Variants in MARCHF1 observed in about 807,000 individuals in gnomAD.
The protein encoded by MARCHF1 is E3 ubiquitin-protein ligase MARCHF1.
A neutral mutation model predicts 54.2 loss-of-function variants in MARCHF1; 40 were observed. The ratio of observed to expected loss-of-function variants is 0.74; its 90% CI spans 0.57 to 0.96. The LOEUF (loss-of-function observed/expected upper bound fraction) is 0.96. Ranked by LOEUF, MARCHF1 falls within the 40% of genes least tolerant of loss-of-function variation. The pLI, the probability that MARCHF1 is intolerant of heterozygous loss-of-function variation, is 0.00. For synonymous variants in MARCHF1, 236 were observed against 236.3 expected (o/e 1.00, Z 0.01); for missense variants, 586 against 656.5 (o/e 0.89, Z 1.17).
chr4:164,349,032 T>C (rs946178877), intron 1 of MARCHF1, among the ~76,000 whole-genome samples: 3 of 152,160 alleles, frequency 2.0e-5, no homozygotes, highest in East Asian at 1.9e-4. Context: ...GGCTTTACTT[T>C]TCCCACCAGA....
In MARCHF1 at chr4:163,656,132, G is replaced by GA. The variant is rs1157465186; in HGVS notation, c.163-42740dup. Among the ~76,000 whole-genome samples, 184 of 136,908 alleles carry GA rather than the reference G, an allele frequency of 1.3e-3. 1 individual carries two copies. The highest frequency in any genetic ancestry group is 5.0e-3 in the African/African-American group (178 of 35,480). The allele number at this position is 136,908 out of a possible 152,430, so 89.8% of individuals were successfully genotyped here. ...TGAATCCAGGAGCTGTTTTTTTTTTGAAAAAAATAATAAAATAGACCACTA... is the reference window on the plus strand; with the variant it reads ...TGAATCCAGGAGCTGTTTTTTTTTTGAAAAAAAATAATAAAATAGACCACTA... On this transcript the variant is annotated intron_variant, in intron 5 of 9. Transcript: ENST00000514618.
intron 5 of MARCHF1, among the ~76,000 whole-genome samples, chr4:163,689,874 C>T (rs1317874443): frequency 6.6e-6 from 1 of 151,944 alleles, no homozygotes; most frequent in Non-Finnish European, 1.5e-5. Flanking sequence ...ATTAAAATGC[C>T]CTATCAAAGA....
rs901145314 is a variant in MARCHF1, at chr4:164,108,847, C to G, written c.-248+2741G>C. Among the ~76,000 whole-genome samples, 3 of 151,922 alleles carry G rather than the reference C, an allele frequency of 2.0e-5. 1 individual carries two copies. Among genetic ancestry groups the G allele is most frequent in the African/African-American group, 7.2e-5 (3 of 41,390 alleles). ...AGGTATTACCTTATGAAGCATAATC[C>G]TCTCTTAAGAGAATGGCAATAGTGG... is the stretch of plus-strand genomic sequence containing the variant. On this transcript the variant is annotated intron_variant, in intron 2 of 9. Coordinates refer to ENST00000514618, the MANE Select transcript of MARCHF1 (RefSeq NM_001394959.1).
At chr4:163,718,328 C>A (rs1214798804) in intron 4 of MARCHF1, among the ~76,000 whole-genome samples, 1 of 152,166 alleles carries the variant, frequency 6.6e-6, no homozygotes, top group Admixed American at 6.5e-5. Flanking sequence ...TAAAGAGCTT[C>A]TGCACAGCAA....
intron 1 of MARCHF1, among the ~76,000 whole-genome samples, chr4:164,320,099 T>A (rs1422463080): frequency 1.3e-5 from 2 of 152,194 alleles, no homozygotes; most frequent in African/African-American, 4.8e-5. Flanking sequence ...TTAAGTCCAA[T>A]TTTCTATTCA....
At chr4:163,943,748 TAAAAAAA>T (rs5863641) in intron 3 of MARCHF1, among the ~76,000 whole-genome samples, 4 of 123,526 alleles carry the variant, frequency 3.2e-5, no homozygotes, top group Admixed American at 1.6e-4. Context: ...AAATAGAAGT[TAAAAAAA>T]AAAAAAAAAA....
At chr4:164,193,963 C>G (rs1731187609) in intron 1 of MARCHF1, among the ~76,000 whole-genome samples, 1 of 152,118 alleles carries the variant, frequency 6.6e-6, no homozygotes, top group African/African-American at 2.4e-5. Flanking sequence ...TTAGCACATT[C>G]TAGTCTAAAA....
chr4:164,041,845 T>A (rs538687711), intron 2 of MARCHF1, among the ~76,000 whole-genome samples: 89 of 152,310 alleles, frequency 5.8e-4, no homozygotes, highest in African/African-American at 2.1e-3. Context: ...TAATATTTCA[T>A]TTGCTTTTCT....
chr4:163,573,601 T>C (rs2110767199), intron 8 of MARCHF1, among the ~76,000 whole-genome samples: 1 of 151,786 alleles, frequency 6.6e-6, no homozygotes, highest in East Asian at 1.9e-4. Context: ...CTGAGAATGA[T>C]GATTTCCAAC....
At chr4:163,657,806 G>A (rs1743203362) in intron 5 of MARCHF1, among the ~76,000 whole-genome samples, 1 of 152,190 alleles carries the variant, frequency 6.6e-6, no homozygotes, top group East Asian at 1.9e-4. Context: ...AACAAGCAAT[G>A]AGGAAAGGAT....
chr4:164,006,966 A>G (rs1322137811), intron 2 of MARCHF1, among the ~76,000 whole-genome samples: 1 of 128,844 alleles, frequency 7.8e-6, no homozygotes, highest in Non-Finnish European at 1.6e-5. Flanking sequence ...CTTATAAGAA[A>G]TAATAGAGGG....
intron 4 of MARCHF1, among the ~76,000 whole-genome samples, chr4:163,785,158 G>A (rs1253575171): frequency 6.6e-6 from 1 of 152,002 alleles, no homozygotes; most frequent in Non-Finnish European, 1.5e-5. Context: ...AAGGTCTGGT[G>A]CGCTAGAAAT....
chr4:164,304,171 C>G (rs1378858130), intron 1 of MARCHF1, among the ~76,000 whole-genome samples: 1 of 152,166 alleles, frequency 6.6e-6, no homozygotes, highest in African/African-American at 2.4e-5. Context: ...ATGCCAGAAA[C>G]TATGTTACAT....
At chr4:164,009,265 C>CA (rs561323451) in intron 2 of MARCHF1, among the ~76,000 whole-genome samples, 112 of 152,022 alleles carry the variant, frequency 7.4e-4, no homozygotes, top group Non-Finnish European at 1.3e-3. Context: ...GAGAAAACCT[C>CA]AAAAAATCAA....
chr4:164,371,270 C>T (rs1349990826), intron 1 of MARCHF1, among the ~76,000 whole-genome samples: 1 of 152,044 alleles, frequency 6.6e-6, no homozygotes, highest in Non-Finnish European at 1.5e-5. Flanking sequence ...CCAACTGGGC[C>T]AAAGACCATA....
chr4:163,712,745 G>A (rs1745144776), intron 4 of MARCHF1, among the ~76,000 whole-genome samples: 3 of 152,068 alleles, frequency 2.0e-5, no homozygotes, highest in African/African-American at 4.8e-5. Context: ...ACTTAAATAC[G>A]GATCAGAACA....
At chr4:163,556,592 C>A (rs2110960373) in intron 8 of MARCHF1, among the ~76,000 whole-genome samples, 1 of 151,352 alleles carries the variant, frequency 6.6e-6, no homozygotes, top group South Asian at 2.1e-4. Flanking sequence ...GCCACATATA[C>A]ACTTGAAATA....
chr4:163,751,322 T>A (rs537710259), intron 4 of MARCHF1, among the ~76,000 whole-genome samples: 1 of 152,214 alleles, frequency 6.6e-6, no homozygotes, highest in East Asian at 1.9e-4. Flanking sequence ...CATGTGTCAC[T>A]GTGCTAGGCT....
At chr4:164,083,931 T>C (rs1381310454) in intron 2 of MARCHF1, among the ~76,000 whole-genome samples, 1 of 152,076 alleles carries the variant, frequency 6.6e-6, no homozygotes, top group Non-Finnish European at 1.5e-5. Flanking sequence ...GCAAACTATT[T>C]TAACCTAGAG....
Sources: gnomAD v4.1 joint callset for allele counts (sites outside exome capture counted in the v4.1 genomes callset) on GRCh38, gnomAD v4.1.1 for gene constraint, MANE v1.5 for transcripts, NCBI Gene and HGNC (gene_info 2026-07-23, HGNC 2026-07-21) for gene names.